The following SH3BGR variants were observed in gnomAD, a reference collection of about 807,000 sequenced individuals.
SH3BGR encodes SH3 domain binding glutamate rich protein.
SH3BGR carries 29 observed loss-of-function variants against 24.5 expected under a neutral mutation model. The observed-to-expected ratio is 1.18, with a 90% CI of 0.88 to 1.61. The LOEUF is 1.61. SH3BGR is among the 40% of genes most tolerant of loss of function. SH3BGR has a pLI of 0.00. For missense variants in SH3BGR, 162 were observed against 205.8 expected, an observed-to-expected ratio of 0.79 and a Z score of 1.30; for synonymous variants, 55 against 65.7, an observed-to-expected ratio of 0.84 and a Z score of 0.79.
intron 3 of SH3BGR, among the ~76,000 whole-genome samples, chr21:39,487,211 C>T (rs1183007352): frequency 1.3e-5 from 2 of 152,122 alleles, no homozygotes; most frequent in East Asian, 3.8e-4. Context: ...GGCCTGATCA[C>T]GGCTCACTGC....
chr21:39,502,985 C>CTTTT (rs146995231), intron 4 of SH3BGR, among the ~76,000 whole-genome samples: 3 of 146,434 alleles, frequency 2.0e-5, no homozygotes, highest in African/African-American at 5.0e-5. Context: ...ATTCCAAGCT[C>CTTTT]TTTTTTTTTT....
At chr21:39,495,007 A>G (rs1017713354) in intron 3 of SH3BGR, among the ~76,000 whole-genome samples, 1 of 151,336 alleles carries the variant, frequency 6.6e-6, no homozygotes. Flanking sequence ...TTTTTATTTC[A>G]TATATTGTAT....
intron 1 of SH3BGR, among the ~76,000 whole-genome samples, chr21:39,455,291 C>G (rs1201201692): frequency 1.3e-5 from 2 of 152,180 alleles, no homozygotes; most frequent in Admixed American, 1.3e-4. Flanking sequence ...TCACTGAGGT[C>G]CCAAAGGCTC....
chr21:39,462,488 T>A lies in SH3BGR; in HGVS notation c.159T>A (p.Val53=). 2 of 1,610,540 alleles carry A rather than the reference T, an allele frequency of 1.2e-6. No homozygotes were observed. Among genetic ancestry groups the A allele is most frequent in the Non-Finnish European group, 1.7e-6 (2 of 1,179,264 alleles). ...EDNRRWMREN[V]PGEKKPQNGI... ...ACAGGAGGTGGATGAGAGAGAATGT[T>A]CCTGGAGAGAAAAAACCTCAAAATG... Residue 53 remains valine, a synonymous_variant, in exon 2 of 7, where the codon GTT becomes GTA. Coordinates refer to ENST00000333634, the MANE Select transcript of SH3BGR (RefSeq NM_007341.3).
chr21:39,503,000 C>T (rs1467334875), intron 4 of SH3BGR, among the ~76,000 whole-genome samples: 3 of 148,458 alleles, frequency 2.0e-5, no homozygotes, highest in South Asian at 4.2e-4. Context: ...TTTTTTTTTC[C>T]TCAGGGACCG....
rs577859695 is a variant in SH3BGR at position 39,492,466 on chromosome 21, G to A, written c.313-7357G>A. 2.7e-3 allele frequency among the ~76,000 whole-genome samples: 383 copies of A among 139,766 alleles called. 1 individual carries two copies. The highest frequency in any genetic ancestry group is 8.8e-3 in the African/African-American group (307 of 34,842). The allele number at this position is 139,766 out of a possible 152,430, so 91.7% of individuals were successfully genotyped here. A position where few individuals can be genotyped will look rare whatever the true frequency, so the allele number is the denominator to read the frequency against. ...TTGGTGTGTGTGTGTGTGTGTGTGTGTATATATATATATATACACACACAC... is the reference window on the plus strand; with the variant it reads ...TTGGTGTGTGTGTGTGTGTGTGTGTATATATATATATATATACACACACAC... On this transcript the variant is annotated intron_variant, in intron 3 of 6. Transcript: ENST00000333634.
At chr21:39,499,945 A>T (rs1255462715) in intron 4 of SH3BGR, 30 bp downstream of exon 4, 2 of 1,491,312 alleles carry the variant, frequency 1.3e-6, no homozygotes, top group South Asian at 2.3e-5. Flanking sequence ...CAGCAGTTTG[A>T]CTGGATTCTC....
intron 3 of SH3BGR, among the ~76,000 whole-genome samples, chr21:39,477,468 C>A (rs528905912): frequency 1.3e-5 from 2 of 152,194 alleles, no homozygotes; most frequent in East Asian, 3.9e-4. Flanking sequence ...TATTTTTGAA[C>A]CTGGGGTTGC....
intron 1 of SH3BGR, 27 bp downstream of exon 1, chr21:39,452,168 C>T: frequency 6.2e-7 from 1 of 1,613,690 alleles, no homozygotes; most frequent in East Asian, 2.2e-5. Context: ...CTCTTTCTTC[C>T]TATACTCTTT....
Position 39,457,410 on chromosome 21 carries a change from A to G in SH3BGR, c.46-4965A>G, listed in dbSNP as rs181646811. ...TTATATAGTTATATATAAATCTTAT[A>G]TATAAGATTATTATATATTATATAG... On this transcript the variant is annotated intron_variant, in intron 1 of 6. Transcript: ENST00000333634. Among the ~76,000 whole-genome samples, 631 of 143,280 alleles carry G rather than the reference A, an allele frequency of 4.4e-3. 6 individuals carry two copies. Among genetic ancestry groups the G allele is most frequent in the Middle Eastern group, 0.02 (5 of 256 alleles). 94.0% of individuals were successfully genotyped at this position (143,280 alleles called of 152,430 possible).
intron 3 of SH3BGR, among the ~76,000 whole-genome samples, chr21:39,475,564 A>C (rs1023128333): frequency 1.3e-5 from 2 of 152,174 alleles, no homozygotes; most frequent in African/African-American, 2.4e-5. Flanking sequence ...TTTTGAATTG[A>C]CTTCTCATAT....
At chr21:39,508,080 G>A (rs2078613695) in intron 4 of SH3BGR, among the ~76,000 whole-genome samples, 1 of 152,130 alleles carries the variant, frequency 6.6e-6, no homozygotes. Context: ...TCCCTCTGTG[G>A]CCTCAGTGTC....
intron 3 of SH3BGR, among the ~76,000 whole-genome samples, chr21:39,485,686 C>CTTTTTTTT: frequency 8.6e-6 from 1 of 116,758 alleles, no homozygotes; most frequent in Non-Finnish European, 1.8e-5. Flanking sequence ...AAGTTGTTTT[C>CTTTTTTTT]TTTTTTTTTT....
At chr21:39,456,138 C>T (rs974232802) in intron 1 of SH3BGR, among the ~76,000 whole-genome samples, 8 of 152,138 alleles carry the variant, frequency 5.3e-5, no homozygotes, top group African/African-American at 1.9e-4. Flanking sequence ...CCACATCAAG[C>T]CCTGAGGCAT....
At chr21:39,452,277 T>G in intron 1 of SH3BGR, 136 bp downstream of exon 1, 1 of 994,774 alleles carries the variant, frequency 1.0e-6, no homozygotes, top group South Asian at 1.4e-5. Flanking sequence ...GTGCGCCCTT[T>G]GCTTTCTGCA....
At chr21:39,458,125 C>G (rs985498572) in intron 1 of SH3BGR, among the ~76,000 whole-genome samples, 7 of 151,944 alleles carry the variant, frequency 4.6e-5, no homozygotes, top group Admixed American at 3.9e-4. Flanking sequence ...AGACATGTAC[C>G]TTTTACAGCA....
Position 39,473,833 on chromosome 21 carries a change from C to T in SH3BGR, c.232-1302C>T, listed in dbSNP as rs201914204. 3.3e-4 allele frequency among the ~76,000 whole-genome samples: 49 copies of T among 150,144 alleles called. 1 individual carries two copies. The East Asian group carries it at 9.5e-3, about 29-fold the overall frequency. On this transcript the variant is annotated intron_variant, in intron 2 of 6. Transcript: ENST00000333634. ...CCAGGAGGCAGAGGTTGCAGTGAACCGAGATTGCACCACTGTACTCCAGCC... is the reference window on the plus strand; with the variant it reads ...CCAGGAGGCAGAGGTTGCAGTGAACTGAGATTGCACCACTGTACTCCAGCC...
At chr21:39,483,097 C>T (rs1451597899) in intron 3 of SH3BGR, among the ~76,000 whole-genome samples, 1 of 152,130 alleles carries the variant, frequency 6.6e-6, no homozygotes, top group African/African-American at 2.4e-5. Context: ...AAGAACACAA[C>T]TCAAATAAAA....
chr21:39,485,544 A>G (rs975473515), intron 3 of SH3BGR, among the ~76,000 whole-genome samples: 2 of 152,170 alleles, frequency 1.3e-5, no homozygotes, highest in South Asian at 2.1e-4. Flanking sequence ...TCCCTCACCA[A>G]TTCATTTAAT....
Sources: gnomAD v4.1 joint callset for allele counts (sites outside exome capture counted in the v4.1 genomes callset) on GRCh38, gnomAD v4.1.1 for gene constraint, MANE v1.5 for transcripts, NCBI Gene and HGNC (gene_info 2026-07-23, HGNC 2026-07-21) for gene names.